SCAPER: variants seen among roughly 807,000 people sequenced by gnomAD.
SCAPER encodes the protein S phase cyclin A-associated protein in the endoplasmic reticulum.
In SCAPER, 98 loss-of-function variants were observed where a neutral mutation model predicts 182.2. That is an observed-to-expected ratio of 0.54 (90% CI 0.46 to 0.64). The LOEUF (loss-of-function observed/expected upper bound fraction) is 0.64. Among genes scored for constraint, SCAPER ranks in the 30% least tolerant of loss-of-function variants. The pLI is 0.00. For missense variants in SCAPER, 1,432 were observed against 1,690.0 expected (o/e 0.85, Z 2.68); for synonymous variants, 605 against 564.6 (o/e 1.07, Z -1.01).
Position 76,578,298 on chromosome 15 carries a change from C to A in SCAPER, c.2712-4014G>T, listed in dbSNP as rs185273157. On this transcript the variant is annotated intron_variant, in intron 22 of 31. Coordinates refer to ENST00000563290, the MANE Select transcript of SCAPER (RefSeq NM_020843.4). ...GAACTTGCTGCACTGAACGGAAATA[C>A]ATAAGCCTGGCGGGTTTTGCTACCT... Among the ~76,000 whole-genome samples, 155 of 152,272 alleles carry A rather than the reference C, an allele frequency of 1.0e-3. 1 individual carries two copies. Among genetic ancestry groups the A allele is most frequent in the Admixed American group, 9.9e-3 (152 of 15,304 alleles).
intron 15 of SCAPER, among the ~76,000 whole-genome samples, chr15:76,744,956 C>T (rs371678331): frequency 1.5e-4 from 23 of 152,208 alleles, no homozygotes; most frequent in Admixed American, 1.1e-3. Flanking sequence ...TGGAATACTA[C>T]GCAACCAAAA....
At chr15:76,855,457 C>CAA (rs34226154) in intron 4 of SCAPER, among the ~76,000 whole-genome samples, 11,934 of 115,404 alleles carry the variant, frequency 0.1, 710 homozygotes, top group African/African-American at 0.13. Flanking sequence ...TTCTGCACAG[C>CAA]AAAAAAAAAA....
intron 5 of SCAPER, among the ~76,000 whole-genome samples, chr15:76,831,631 G>A (rs889911037): frequency 9.4e-5 from 14 of 149,422 alleles, no homozygotes; most frequent in African/African-American, 2.5e-4. Flanking sequence ...CCCCACCGCC[G>A]CACTGGTACA....
intron 17 of SCAPER, among the ~76,000 whole-genome samples, chr15:76,708,794 G>A (rs868030943): frequency 1.2e-4 from 19 of 152,106 alleles, no homozygotes; most frequent in African/African-American, 3.9e-4. Flanking sequence ...GGCTGGGCAC[G>A]ATGACTCACA....
At chr15:76,899,835 C>A (rs28402797) in intron 1 of SCAPER, among the ~76,000 whole-genome samples, 4,402 of 152,244 alleles carry the variant, frequency 0.029, 195 homozygotes, top group African/African-American at 0.1. Context: ...GTGTACCCAA[C>A]AGCTCCGAAG....
chr15:76,805,715 G>T (rs187191913), intron 5 of SCAPER, among the ~76,000 whole-genome samples: 1 of 151,800 alleles, frequency 6.6e-6, no homozygotes, highest in Non-Finnish European at 1.5e-5. Context: ...TTACAGGCAC[G>T]TGCCACCATG....
At chr15:76,532,462 A>G (rs900845368) in intron 23 of SCAPER, among the ~76,000 whole-genome samples, 8 of 151,818 alleles carry the variant, frequency 5.3e-5, no homozygotes, top group Admixed American at 1.3e-4. Context: ...TTGGCCTCCC[A>G]AAGTGCTGGG....
At chr15:76,588,260 T>C (rs2048834491) in intron 22 of SCAPER, among the ~76,000 whole-genome samples, 1 of 152,206 alleles carries the variant, frequency 6.6e-6, no homozygotes, top group Non-Finnish European at 1.5e-5. Flanking sequence ...AGTTGTTTTA[T>C]AAATTTGGGA....
At chr15:76,457,797 TA>T (rs1171857819) in intron 25 of SCAPER, among the ~76,000 whole-genome samples, 1 of 152,172 alleles carries the variant, frequency 6.6e-6, no homozygotes, top group Non-Finnish European at 1.5e-5. Context: ...AATTTTAAAG[TA>T]AAATTTAACC....
intron 8 of SCAPER, among the ~76,000 whole-genome samples, chr15:76,781,973 G>A (rs1478151080): frequency 6.6e-6 from 1 of 152,142 alleles, no homozygotes; most frequent in African/African-American, 2.4e-5. Flanking sequence ...GGAAGAAACT[G>A]CATCAATTCA....
intron 2 of SCAPER, among the ~76,000 whole-genome samples, chr15:76,877,241 A>T (rs1000911803): frequency 6.6e-6 from 1 of 152,100 alleles, no homozygotes; most frequent in African/African-American, 2.4e-5. Context: ...GAGCCAGCTT[A>T]AAGTCTCCCA....
chr15:76,429,792 T>C (rs1473369876), intron 26 of SCAPER, among the ~76,000 whole-genome samples: 1 of 152,146 alleles, frequency 6.6e-6, no homozygotes, highest in East Asian at 1.9e-4. Context: ...TCTGAGGAGA[T>C]ATTCAAGCCG....
chr15:76,743,744 A>G (rs2061663063), intron 15 of SCAPER, among the ~76,000 whole-genome samples: 3 of 152,212 alleles, frequency 2.0e-5, no homozygotes, highest in African/African-American at 7.2e-5. Flanking sequence ...ATGCTATCCT[A>G]TCAAACCACC....
intron 23 of SCAPER, among the ~76,000 whole-genome samples, chr15:76,506,206 T>A (rs976213146): frequency 6.6e-6 from 1 of 152,116 alleles, no homozygotes; most frequent in Non-Finnish European, 1.5e-5. Flanking sequence ...CCCAACAGCG[T>A]GAATATAATC....
intron 14 of SCAPER, among the ~76,000 whole-genome samples, chr15:76,758,467 A>G (rs1598554780): frequency 6.6e-6 from 1 of 152,144 alleles, no homozygotes; most frequent in African/African-American, 2.4e-5. Context: ...TGCTAGTGCC[A>G]AATTGTTTTG....
intron 24 of SCAPER, among the ~76,000 whole-genome samples, chr15:76,503,843 AT>A (rs953095304): frequency 1.6e-4 from 24 of 151,684 alleles, no homozygotes; most frequent in African/African-American, 5.8e-4. Flanking sequence ...TACTCTTGGA[AT>A]TTTTTTTCCT....
At chr15:76,394,851 A>G (rs757088106) in intron 27 of SCAPER, among the ~76,000 whole-genome samples, 10 of 152,192 alleles carry the variant, frequency 6.6e-5, no homozygotes, top group Non-Finnish European at 1.5e-4. Flanking sequence ...CAAACTATCC[A>G]ATTATATTCT....
chr15:76,580,951 G>A (rs1282699885), intron 22 of SCAPER, among the ~76,000 whole-genome samples: 2 of 151,980 alleles, frequency 1.3e-5, no homozygotes, highest in Non-Finnish European at 2.9e-5. Context: ...TAAAATCAGA[G>A]ATGAAAAAGG....
rs556374437 is a variant in SCAPER at position 76,457,066 on chromosome 15, C to CT, written c.3078+14145dup. 3.3e-3 allele frequency among the ~76,000 whole-genome samples: 467 copies of CT among 142,010 alleles called. 2 individuals carry two copies. The highest frequency in any genetic ancestry group is 0.014 in the Admixed American group (202 of 14,192). 93.2% of individuals were successfully genotyped at this position (142,010 alleles called of 152,430 possible). On this transcript the variant is annotated intron_variant, in intron 25 of 31. Transcript: ENST00000563290. ...CCTTGTAACCGGAGGGCTTTACACA[C>CT]TTTTTTTTTTTTTTTAGATGGAGTC...
Sources: gnomAD v4.1 joint callset for allele counts (sites outside exome capture counted in the v4.1 genomes callset) on GRCh38, gnomAD v4.1.1 for gene constraint, MANE v1.5 for transcripts, NCBI Gene and HGNC (gene_info 2026-07-23, HGNC 2026-07-21) for gene names.